ATRN: variants seen among roughly 807,000 people sequenced by gnomAD.
ATRN encodes the protein attractin.
ATRN carries 54 observed loss-of-function variants against 178.7 expected under a neutral mutation model. The ratio of observed to expected loss-of-function variants is 0.30; its 90% confidence interval spans 0.24 to 0.38. ATRN has a LOEUF of 0.38. ATRN is among the 10% of genes least tolerant of loss of function. ATRN has a pLI of 1.00. For missense variants in ATRN, 1,443 were observed against 1,815.1 expected, an observed-to-expected ratio of 0.79 and a Z score of 3.73; for synonymous variants, 636 against 663.0, an observed-to-expected ratio of 0.96 and a Z score of 0.63.
intron 1 of ATRN, chr20:3,490,307 G>A: frequency 9.6e-7 from 1 of 1,036,726 alleles, no homozygotes; most frequent in South Asian, 1.3e-5. Flanking sequence ...TCCAGCATGG[G>A]TCAGAGCGCT....
intron 1 of ATRN, among the ~76,000 whole-genome samples, chr20:3,506,359 C>T (rs1395835010): frequency 6.6e-6 from 1 of 152,094 alleles, no homozygotes. Context: ...CATGGTGGCT[C>T]ATGCTGGTAA....
In ATRN at chr20:3,484,909, AATTATTATT is replaced by A. The variant is rs11470490; in HGVS notation, c.410+13423_410+13431del. Among the ~76,000 whole-genome samples the A allele has an allele frequency of 6.0e-3, 865 of 143,964 alleles. 2 individuals carry two copies. The highest frequency in any genetic ancestry group is 0.011 in the Middle Eastern group (3 of 276). The allele number at this position is 143,964 out of a possible 152,430, so 94.4% of individuals were successfully genotyped here. A position where few individuals can be genotyped will look rare whatever the true frequency, so the allele number is the denominator to read the frequency against. The stretch of plus-strand genomic sequence containing the variant: ...TATAGTACCTAGGAATGGATTTTAA[AATTATTATT>A]ATTATTATTATTATTATTATTATTA... On this transcript the variant is annotated intron_variant, in intron 1 of 28. Coordinates refer to ENST00000262919, the MANE Select transcript of ATRN (RefSeq NM_139321.3).
chr20:3,580,643 T>A (rs1194894363), intron 15 of ATRN, among the ~76,000 whole-genome samples: 2 of 152,124 alleles, frequency 1.3e-5, no homozygotes, highest in Non-Finnish European at 2.9e-5. Flanking sequence ...TGTGATTTAA[T>A]TAGTGCCCCC....
intron 11 of ATRN, among the ~76,000 whole-genome samples, chr20:3,569,784 C>A (rs1164605493): frequency 1.3e-5 from 2 of 152,122 alleles, no homozygotes; most frequent in African/African-American, 4.8e-5. Context: ...CACTTTTATT[C>A]TTTAAGCCAG....
At chr20:3,595,834 G>A (rs1219834811) in intron 20 of ATRN, among the ~76,000 whole-genome samples, 3 of 152,170 alleles carry the variant, frequency 2.0e-5, no homozygotes, top group Non-Finnish European at 2.9e-5. Context: ...GGGAGGCTGG[G>A]TTTTGCTGAT....
Position 3,533,405 on chromosome 20 carries a change from G to A in ATRN, c.411-1848G>A, listed in dbSNP as rs138402420. ...TGGGTACATGATCATCTGGGATAAC[G>A]GCTGCATTTTTCAGCCTTCCTCTAC... On this transcript the variant is annotated intron_variant, in intron 1 of 28. Transcript: ENST00000262919. Among the ~76,000 whole-genome samples, 54 of 152,236 alleles carry A rather than the reference G, an allele frequency of 3.5e-4. No individual in the cohort carries two copies. The East Asian group carries it at 8.3e-3, about 23-fold the overall frequency.
In ATRN at chr20:3,553,090, C is replaced by T. The variant is rs150286396; in HGVS notation, c.1112+3752C>T. Among the ~76,000 whole-genome samples the T allele has an allele frequency of 2.1e-3, 322 of 152,256 alleles. 1 individual carries two copies. Among genetic ancestry groups the T allele is most frequent in the African/African-American group, 7.2e-3 (299 of 41,542 alleles). ...GGACTACCCCAGTGTCTGTCTGACA[C>T]GATAGGTCATATCTTGTTAGCTCTA... is the stretch of plus-strand genomic sequence containing the variant. On this transcript the variant is annotated intron_variant, in intron 6 of 28. Transcript: ENST00000262919.
At chr20:3,565,765 T>G (rs1226174598) in intron 11 of ATRN, among the ~76,000 whole-genome samples, 2 of 122,356 alleles carry the variant, frequency 1.6e-5, no homozygotes, top group Non-Finnish European at 3.1e-5. Context: ...GCCACAGCAC[T>G]CCAGCCTGGC....
intron 1 of ATRN, among the ~76,000 whole-genome samples, chr20:3,522,685 G>A (rs893069219): frequency 1.3e-5 from 2 of 152,162 alleles, no homozygotes; most frequent in African/African-American, 4.8e-5. Context: ...ACATCTGGTG[G>A]ATACCCCTCT....
chr20:3,541,050 G>T (rs2085611694), intron 3 of ATRN, among the ~76,000 whole-genome samples: 1 of 144,814 alleles, frequency 6.9e-6, no homozygotes, highest in African/African-American at 2.5e-5. Context: ...ACTATCTCTA[G>T]TTTTCTTCCT....
At chr20:3,500,692 G>C (rs1275486635) in intron 1 of ATRN, among the ~76,000 whole-genome samples, 6 of 123,938 alleles carry the variant, frequency 4.8e-5, no homozygotes, top group African/African-American at 1.8e-4. Flanking sequence ...GTTGTGGGGT[G>C]GGGGGAGGGG....
At chr20:3,489,939 T>C (rs528886795) in intron 1 of ATRN, 234 of 1,124,714 alleles carry the variant, frequency 2.1e-4, no homozygotes, top group Non-Finnish European at 2.6e-5. Flanking sequence ...ACTCTCACTC[T>C]TACTGATCTG....
At chr20:3,485,189 A>G (rs547757552) in intron 1 of ATRN, among the ~76,000 whole-genome samples, 2 of 152,226 alleles carry the variant, frequency 1.3e-5, no homozygotes, top group East Asian at 1.9e-4. Flanking sequence ...TTTTATATCT[A>G]TGAATCCTTC....
At chr20:3,472,426 CAT>C (rs1012820400) in intron 1 of ATRN, among the ~76,000 whole-genome samples, 1 of 152,178 alleles carries the variant, frequency 6.6e-6, no homozygotes, top group Non-Finnish European at 1.5e-5. Flanking sequence ...TTACTGAACA[CAT>C]GTCTGATGTG....
intron 25 of ATRN, among the ~76,000 whole-genome samples, chr20:3,629,567 T>G (rs1448327728): frequency 6.6e-6 from 1 of 152,196 alleles, no homozygotes; most frequent in Non-Finnish European, 1.5e-5. Context: ...ACACTACCCA[T>G]AGTTGGAGCA....
chr20:3,521,353 C>G (rs1302790727), intron 1 of ATRN, among the ~76,000 whole-genome samples: 1 of 151,422 alleles, frequency 6.6e-6, no homozygotes, highest in East Asian at 1.9e-4. Context: ...AAAAAAAAAC[C>G]CAAAAACAAA....
In ATRN at chr20:3,630,250, G is replaced by A. The variant is rs143593414; in HGVS notation, c.3864-4061G>A. Among the ~76,000 whole-genome samples the A allele has an allele frequency of 3.3e-3, 509 of 152,232 alleles. 1 individual carries two copies. Among genetic ancestry groups the A allele is most frequent in the Non-Finnish European group, 4.9e-3 (335 of 68,014 alleles). On this transcript the variant is annotated intron_variant, in intron 25 of 28. Transcript: ENST00000262919. ...CTGTAGAACTGTATTATTTTTCATCGTGGTATTCATCACAATTTGAAGAAT... is the reference window on the plus strand; with the variant it reads ...CTGTAGAACTGTATTATTTTTCATCATGGTATTCATCACAATTTGAAGAAT...
At chr20:3,631,331 T>TTC (rs2086988279) in intron 25 of ATRN, among the ~76,000 whole-genome samples, 1 of 152,118 alleles carries the variant, frequency 6.6e-6, no homozygotes, top group Admixed American at 6.6e-5. Context: ...GAAGAATGGC[T>TTC]CATATAATAT....
At chr20:3,484,249 T>TA (rs779224931) in intron 1 of ATRN, among the ~76,000 whole-genome samples, 8,327 of 142,372 alleles carry the variant, frequency 0.058, 248 homozygotes, top group Non-Finnish European at 0.064. Flanking sequence ...ACCTTGTCTT[T>TA]AAAAAAAAAA....
Sources: gnomAD v4.1 joint callset for allele counts (sites outside exome capture counted in the v4.1 genomes callset) on GRCh38, gnomAD v4.1.1 for gene constraint, MANE v1.5 for transcripts, NCBI Gene and HGNC (gene_info 2026-07-23, HGNC 2026-07-21) for gene names.